Variants in DDAH1 observed in about 807,000 individuals in gnomAD.
The protein encoded by DDAH1 is dimethylarginine dimethylaminohydrolase 1, also known as N(G),N(G)-dimethylarginine dimethylaminohydrolase 1.
A neutral mutation model predicts 28.8 loss-of-function variants in DDAH1; 19 were observed. That is an observed-to-expected ratio of 0.66 (90% CI 0.46 to 0.97). The LOEUF (loss-of-function observed/expected upper bound fraction) is 0.97. DDAH1 is among the 50% of genes least tolerant of loss of function. DDAH1 has a pLI of 0.00. For missense variants in DDAH1, 326 were observed against 375.9 expected (o/e 0.87, Z 1.10); for synonymous variants, 153 against 154.4 (o/e 0.99, Z 0.07).
At chr1:85,470,879 T>C (rs139877220) in intron 2 of DDAH1, among the ~76,000 whole-genome samples, 64 of 152,336 alleles carry the variant, frequency 4.2e-4, no homozygotes, top group African/African-American at 1.5e-3. Flanking sequence ...GTATGTATGG[T>C]AGAGGAATAC....
At chr1:85,389,948 G>C (rs1314921267) in intron 1 of DDAH1, among the ~76,000 whole-genome samples, 1 of 152,230 alleles carries the variant, frequency 6.6e-6, no homozygotes, top group Non-Finnish European at 1.5e-5. Context: ...CATAATCCAA[G>C]TTGACGATTC....
At chr1:85,377,105 T>C (rs1650712845) in intron 1 of DDAH1, among the ~76,000 whole-genome samples, 1 of 152,080 alleles carries the variant, frequency 6.6e-6, no homozygotes. Context: ...ACAAGAGACA[T>C]TTGTGGTCAT....
rs1661218630 is a variant in DDAH1, at chr1:85,319,133, C to T, written c.*2319G>A. The T allele has an allele frequency of 6.6e-6, 1 of 152,114 alleles. No individual in the cohort carries two copies. Among genetic ancestry groups the T allele is most frequent in the Non-Finnish European group, 1.5e-5 (1 of 68,000 alleles). The allele number at this position is 152,114 out of a possible 1,614,324, so 9.4% of individuals were successfully genotyped here. ...AAAAATAACATTATGCTAATGAGAA[C>T]ATCAAAGAAGTAATACTATGCTGCA... On this transcript the variant is annotated 3_prime_UTR_variant, in exon 6 of 6. Coordinates refer to ENST00000284031, the MANE Select transcript of DDAH1 (RefSeq NM_012137.4).
intron 4 of DDAH1, 131 bp downstream of exon 4, chr1:85,350,284 C>G: frequency 1.6e-6 from 2 of 1,219,410 alleles, no homozygotes; most frequent in Admixed American, 4.5e-5. Context: ...CAGTGCACAT[C>G]ACAGAAGCTC....
At chr1:85,339,062 AATATAT>A (rs1553123153) in intron 4 of DDAH1, among the ~76,000 whole-genome samples, 1 of 133,708 alleles carries the variant, frequency 7.5e-6, no homozygotes, top group Non-Finnish European at 1.6e-5. Flanking sequence ...AAAAAAAAAA[AATATAT>A]ATATATATGA....
At chr1:85,400,177 CTTTTTTTTTTTTTT>C (rs61677601) in intron 1 of DDAH1, among the ~76,000 whole-genome samples, 3 of 54,946 alleles carry the variant, frequency 5.5e-5, no homozygotes, top group African/African-American at 1.6e-4. Context: ...CTTTTCTTTT[CTTTTTTTTTTTTTT>C]TTTTTTTTTT....
intron 1 of DDAH1, among the ~76,000 whole-genome samples, chr1:85,423,945 C>T (rs1171947748): frequency 7.2e-5 from 11 of 152,092 alleles, no homozygotes; most frequent in Admixed American, 5.2e-4. Flanking sequence ...TAGATTCTGT[C>T]AAATGTTTTT....
intron 2 of DDAH1, among the ~76,000 whole-genome samples, chr1:85,352,580 CCCA>C (rs774476334): frequency 6.6e-6 from 1 of 152,090 alleles, no homozygotes; most frequent in Non-Finnish European, 1.5e-5. Flanking sequence ...CCTGATTTAA[CCCA>C]CCACCACAAC....
At position 85,507,527 on chromosome 1, in the gene DDAH1, T is replaced by TAAATAAACAAACAAAC. The variant is rs71075841; in HGVS notation, c.-122-11247_-122-11246insGTTTGTTTGTTTATTT. Among the ~76,000 whole-genome samples, 75 of 149,360 alleles carry TAAATAAACAAACAAAC rather than the reference T, an allele frequency of 5.0e-4. 1 individual carries two copies. The Middle Eastern group carries it at 0.01, about 21-fold the overall frequency. Reference sequence around the variant, plus strand: ...CACAATAAATAAATAAATAAATAAATAAACAAACAAACAGCATCTCCTAAA... The same window carrying TAAATAAACAAACAAAC: ...CACAATAAATAAATAAATAAATAAATAAATAAACAAACAAACAAACAAACAAACAGCATCTCCTAAA... On this transcript the variant is annotated intron_variant, in intron 1 of 6. Transcript: ENST00000426972.
intron 1 of DDAH1, among the ~76,000 whole-genome samples, chr1:85,563,754 G>A (rs146788143): frequency 6.6e-6 from 1 of 152,180 alleles, no homozygotes; most frequent in Non-Finnish European, 1.5e-5. Context: ...AGTAGATAAA[G>A]AGATTAAGAG....
intron 4 of DDAH1, among the ~76,000 whole-genome samples, chr1:85,330,718 C>T (rs1011932260): frequency 6.6e-6 from 1 of 152,302 alleles, no homozygotes. Context: ...AGGAATGATT[C>T]CACTTTATGG....
intron 1 of DDAH1, among the ~76,000 whole-genome samples, chr1:85,550,436 C>T (rs1171333802): frequency 2.0e-5 from 3 of 152,170 alleles, no homozygotes; most frequent in African/African-American, 7.2e-5. Flanking sequence ...TACTCTGCTC[C>T]AAGTTCTTGG....
chr1:85,498,535 C>T (rs1308566445), intron 1 of DDAH1, among the ~76,000 whole-genome samples: 1 of 152,130 alleles, frequency 6.6e-6, no homozygotes, highest in Non-Finnish European at 1.5e-5. Flanking sequence ...TTCTGCTAAG[C>T]TAAGGATGCA....
chr1:85,487,697 C>T (rs943890040), intron 2 of DDAH1, among the ~76,000 whole-genome samples: 1 of 152,180 alleles, frequency 6.6e-6, no homozygotes, highest in Non-Finnish European at 1.5e-5. Flanking sequence ...CCTTTCCTCC[C>T]TTATTCTCTA....
chr1:85,465,207 G>A, upstream of DDAH1: 1 of 1,126,170 alleles, frequency 8.9e-7, no homozygotes, highest in Non-Finnish European at 1.1e-6. Context: ...CCGCGCGACT[G>A]AGCATGCCCA....
chr1:85,507,639 TG>T (rs1371640499), intron 1 of DDAH1, among the ~76,000 whole-genome samples: 1 of 152,178 alleles, frequency 6.6e-6, no homozygotes, highest in Admixed American at 6.5e-5. Flanking sequence ...ATAATACCCA[TG>T]TTATTTAATA....
chr1:85,515,193 C>A (rs1657425896), intron 1 of DDAH1, among the ~76,000 whole-genome samples: 2 of 150,182 alleles, frequency 1.3e-5, no homozygotes, highest in Admixed American at 6.7e-5. Flanking sequence ...ACTTCAAGCC[C>A]AGCCTGGCCA....
intron 2 of DDAH1, among the ~76,000 whole-genome samples, chr1:85,473,676 G>T (rs141111090): frequency 1.3e-5 from 2 of 152,244 alleles, no homozygotes; most frequent in African/African-American, 4.8e-5. Context: ...CATGTCCAAA[G>T]AATCCTTTGC....
At chr1:85,577,005 G>C (rs555182660) in intron 1 of DDAH1, 2 of 154,222 alleles carry the variant, frequency 1.3e-5, no homozygotes, top group Non-Finnish European at 2.9e-5. Context: ...GCTAGATGAC[G>C]GAGTCTTGAA....
Sources: allele counts gnomAD v4.1 joint callset (sites outside exome capture counted in the v4.1 genomes callset), GRCh38; gene constraint gnomAD v4.1.1; transcripts MANE v1.5; gene names NCBI Gene and HGNC (gene_info 2026-07-23, HGNC 2026-07-21).